The following RNLS variants were observed in gnomAD, a reference collection of about 807,000 sequenced individuals.
The protein encoded by RNLS is renalase.
RNLS carries 39 observed loss-of-function variants against 39.8 expected under a neutral mutation model. The observed-to-expected ratio is 0.98, with a 90% confidence interval of 0.76 to 1.28. The LOEUF is 1.28. Among genes scored for constraint, RNLS ranks in the 50% most tolerant of loss-of-function variants. RNLS has a pLI of 0.00. For missense variants in RNLS, 410 were observed against 413.3 expected (o/e 0.99, Z 0.07); for synonymous variants, 147 against 150.7 (o/e 0.98, Z 0.18).
chr10:88,539,150 G>T (rs995614532), intron 4 of RNLS, among the ~76,000 whole-genome samples: 1 of 152,108 alleles, frequency 6.6e-6, no homozygotes, highest in Non-Finnish European at 1.5e-5. Flanking sequence ...GAGAATAAAA[G>T]ACCTTCAGAA....
intron 4 of RNLS, among the ~76,000 whole-genome samples, chr10:88,393,367 C>T (rs926373838): frequency 3.9e-5 from 6 of 151,986 alleles, no homozygotes; most frequent in African/African-American, 1.4e-4. Flanking sequence ...AATCAATGTA[C>T]AAAAATCACA....
In RNLS at chr10:88,354,984, C is replaced by T. The variant is rs142892833; in HGVS notation, c.700+7568G>A. On this transcript the variant is annotated intron_variant, in intron 5 of 6. Transcript: ENST00000331772. ...TCATCTGATCATCCATCATTGATAC[C>T]CTTTCTTCCAGTTGATTGAATCGGC... Among the ~76,000 whole-genome samples the T allele has an allele frequency of 1.1e-4, 16 of 152,144 alleles. No individual in the cohort carries two copies. The South Asian group carries it at 1.7e-3, about 16-fold the overall frequency.
chr10:88,327,453 C>G (rs1383324046), intron 5 of RNLS, among the ~76,000 whole-genome samples: 1 of 152,158 alleles, frequency 6.6e-6, no homozygotes, highest in African/African-American at 2.4e-5. Context: ...ACTCCTCACT[C>G]TTCTCTCTCC....
chr10:88,577,951 C>T (rs1329425304), intron 3 of RNLS, among the ~76,000 whole-genome samples: 1 of 152,070 alleles, frequency 6.6e-6, no homozygotes, highest in Admixed American at 6.6e-5. Flanking sequence ...GGAGTCTGGT[C>T]CCAATCTGAA....
intron 4 of RNLS, among the ~76,000 whole-genome samples, chr10:88,376,945 C>T (rs531952958): frequency 5.3e-4 from 80 of 152,032 alleles, no homozygotes; most frequent in African/African-American, 1.8e-3. Context: ...AAACTATGCA[C>T]TTAAGATACA....
At chr10:88,498,474 G>A (rs549981935) in intron 4 of RNLS, among the ~76,000 whole-genome samples, 10 of 150,282 alleles carry the variant, frequency 6.7e-5, no homozygotes, top group Admixed American at 2.0e-4. Context: ...TCCTGAAGCA[G>A]AAAAAGTTTT....
chr10:88,467,352 T>G (rs1226486856), intron 4 of RNLS, among the ~76,000 whole-genome samples: 1 of 151,896 alleles, frequency 6.6e-6, no homozygotes, highest in Non-Finnish European at 1.5e-5. Context: ...AACTTTAAAT[T>G]AGGATAGCCT....
chr10:88,461,810 GA>G (rs1379146861), intron 4 of RNLS, among the ~76,000 whole-genome samples: 3 of 152,042 alleles, frequency 2.0e-5, no homozygotes, highest in Non-Finnish European at 4.4e-5. Context: ...GAAGCCCAAA[GA>G]AAGATAAAGT....
rs143512067 is a variant in RNLS at position 88,401,992 on chromosome 10, T to C, written c.527-39267A>G. Among the ~76,000 whole-genome samples the C allele has an allele frequency of 9.0e-3, 1,372 of 152,040 alleles. 24 individuals are homozygous for C. Among genetic ancestry groups the C allele is most frequent in the East Asian group, 0.028 (144 of 5,160 alleles). On this transcript the variant is annotated intron_variant, in intron 4 of 6. Coordinates refer to ENST00000331772, the MANE Select transcript of RNLS (RefSeq NM_001031709.3). ...CTATTCCACACTATGGAGAAACTCC[T>C]GGGAAGAGAATCCAAATTGAATAGG...
intron 4 of RNLS, among the ~76,000 whole-genome samples, chr10:88,488,412 G>C (rs1589881462): frequency 1.3e-5 from 2 of 151,912 alleles, no homozygotes; most frequent in East Asian, 3.9e-4. Flanking sequence ...TGGACATGGT[G>C]GTGCATGCCT....
At chr10:88,524,949 G>GCACACA (rs761145374) in intron 4 of RNLS, among the ~76,000 whole-genome samples, 4,238 of 49,402 alleles carry the variant, frequency 0.086, 259 homozygotes, top group African/African-American at 0.15. Context: ...TATATATATG[G>GCACACA]CACACACATA....
At chr10:88,239,478 T>C in the RNLS span, among the ~76,000 whole-genome samples, 14 of 152,218 alleles carry the variant, frequency 9.2e-5, no homozygotes, top group African/African-American at 3.1e-4. Context: ...AAACTCTAGA[T>C]GAGCCACTCA....
chr10:88,425,533 C>CAGT (rs1274097143), intron 4 of RNLS, among the ~76,000 whole-genome samples: 1 of 152,014 alleles, frequency 6.6e-6, no homozygotes. Context: ...TATTGCCTGG[C>CAGT]AGTATGTCTA....
At chr10:88,523,706 G>A (rs1407133232) in intron 4 of RNLS, among the ~76,000 whole-genome samples, 6 of 152,168 alleles carry the variant, frequency 3.9e-5, no homozygotes, top group Admixed American at 1.3e-4. Context: ...TTAAAAAGAA[G>A]CCAAAGAAAG....
In RNLS at chr10:88,344,577, C is replaced by T. The variant is rs373698066; in HGVS notation, c.700+17975G>A. 1.7e-4 allele frequency among the ~76,000 whole-genome samples: 26 copies of T among 152,114 alleles called. No individual in the cohort carries two copies. The East Asian group carries it at 4.4e-3, about 26-fold the overall frequency. ...GATATTGTTAGCCACTCCCGAGAAA[C>T]TACTATTATGAATACAGTAAACAAA... On this transcript the variant is annotated intron_variant, in intron 5 of 6. Transcript: ENST00000331772.
At chr10:88,202,593 C>T in the RNLS span, among the ~76,000 whole-genome samples, 2 of 152,276 alleles carry the variant, frequency 1.3e-5, no homozygotes, top group South Asian at 4.2e-4. Context: ...TATCCATGAG[C>T]AGAGTTTATT....
At chr10:88,505,647 G>C (rs1304219567) in intron 4 of RNLS, among the ~76,000 whole-genome samples, 1 of 152,058 alleles carries the variant, frequency 6.6e-6, no homozygotes, top group Non-Finnish European at 1.5e-5. Flanking sequence ...TGGTTGTTAA[G>C]GAACAGAAAT....
the RNLS span, among the ~76,000 whole-genome samples, chr10:88,222,419 A>G: frequency 6.6e-6 from 1 of 152,294 alleles, no homozygotes; most frequent in African/African-American, 2.4e-5. Context: ...TATCATTTGA[A>G]TTCACAGCCT....
At chr10:88,393,902 A>T (rs1214060397) in intron 4 of RNLS, among the ~76,000 whole-genome samples, 1 of 152,210 alleles carries the variant, frequency 6.6e-6, no homozygotes, top group African/African-American at 2.4e-5. Context: ...ATCTACAACT[A>T]TCTGATCTTT....
Sources: gnomAD v4.1 joint callset for allele counts (sites outside exome capture counted in the v4.1 genomes callset) on GRCh38, gnomAD v4.1.1 for gene constraint, MANE v1.5 for transcripts, NCBI Gene and HGNC (gene_info 2026-07-23, HGNC 2026-07-21) for gene names.